Variants in HDGFL3 observed in about 807,000 individuals in gnomAD.
HDGFL3 encodes HDGF like 3, also known as hepatoma-derived growth factor-related protein 3.
HDGFL3 carries 6 observed loss-of-function variants against 27.6 expected under a neutral mutation model. The observed-to-expected ratio is 0.22, with a 90% CI of 0.12 to 0.43. HDGFL3 has a LOEUF of 0.43. HDGFL3 is among the 20% of genes least tolerant of loss of function. The pLI is 1.00. For synonymous variants in HDGFL3, 88 were observed against 88.9 expected, an observed-to-expected ratio of 0.99 and a Z score of 0.05; for missense variants, 207 against 250.1, an observed-to-expected ratio of 0.83 and a Z score of 1.16.
chr15:83,128,546 G>T lies in HDGFL3; in HGVS notation c.*10724C>A, dbSNP rs1303656520. 1 of 152,016 alleles carries T rather than the reference G, an allele frequency of 6.6e-6. No individual in the cohort carries two copies. The highest frequency in any genetic ancestry group is 1.5e-5 in the Non-Finnish European group (1 of 68,004). The allele number at this position is 152,016 out of a possible 1,614,324, so 9.4% of individuals were successfully genotyped here. A position where few individuals can be genotyped will look rare whatever the true frequency, so the allele number is the denominator to read the frequency against. ...TTCTGTATTTTAGGTCTTTATCTTT[G>T]TATCTTTCAATACCAACTATAAGCT... On this transcript the variant is annotated 3_prime_UTR_variant, in exon 6 of 6. Coordinates refer to ENST00000299633, the MANE Select transcript of HDGFL3 (RefSeq NM_016073.4).
At chr15:83,145,183 T>A (rs2036865995) in intron 5 of HDGFL3, among the ~76,000 whole-genome samples, 1 of 152,116 alleles carries the variant, frequency 6.6e-6, no homozygotes, top group African/African-American at 2.4e-5. Context: ...TATCCTAGCT[T>A]ACTCTGGATA....
chr15:83,168,834 A>G (rs947626459), intron 1 of HDGFL3, among the ~76,000 whole-genome samples: 27 of 152,192 alleles, frequency 1.8e-4, no homozygotes, highest in African/African-American at 6.5e-4. Context: ...GGAAAAAACT[A>G]CAGGCCAATA....
chr15:83,140,632 C>CTA (rs1238783690), intron 5 of HDGFL3, among the ~76,000 whole-genome samples: 7 of 151,994 alleles, frequency 4.6e-5, no homozygotes, highest in African/African-American at 1.7e-4. Context: ...CAGGTGTGTG[C>CTA]TACCATGCCC....
intron 1 of HDGFL3, among the ~76,000 whole-genome samples, chr15:83,187,874 C>T (rs997574203): frequency 8.1e-5 from 10 of 124,156 alleles, no homozygotes; most frequent in African/African-American, 2.9e-4. Flanking sequence ...GCAACAAGAG[C>T]GAAACTCTGT....
intron 5 of HDGFL3, 129 bp downstream of exon 5, chr15:83,151,086 G>T: frequency 1.3e-6 from 1 of 777,854 alleles, no homozygotes; most frequent in Non-Finnish European, 2.1e-6. Context: ...CTGAGTGGAT[G>T]CATATAATAG....
At chr15:83,196,143 AAAAT>A (rs1344533584) in intron 1 of HDGFL3, among the ~76,000 whole-genome samples, 2 of 151,874 alleles carry the variant, frequency 1.3e-5, no homozygotes, top group African/African-American at 4.8e-5. Context: ...TAGTTGACAA[AAAAT>A]AAACATTAAG....
intron 3 of HDGFL3, chr15:83,122,681 A>G: frequency 6.5e-7 from 1 of 1,536,250 alleles, no homozygotes; most frequent in Non-Finnish European, 8.8e-7. Context: ...ATGACCTGAG[A>G]TGGGGAGGTA....
intron 1 of HDGFL3, among the ~76,000 whole-genome samples, chr15:83,200,722 G>A (rs1019491473): frequency 1.3e-5 from 2 of 152,156 alleles, no homozygotes; most frequent in African/African-American, 2.4e-5. Flanking sequence ...AACAAACCAA[G>A]ATAGTAGTGG....
chr15:83,196,464 C>CAG (rs2037572613), intron 1 of HDGFL3, among the ~76,000 whole-genome samples: 1 of 152,008 alleles, frequency 6.6e-6, no homozygotes, highest in Non-Finnish European at 1.5e-5. Context: ...CTAAAATTCT[C>CAG]TCCTAAATAT....
intron 1 of HDGFL3, among the ~76,000 whole-genome samples, chr15:83,170,094 T>C (rs2037227809): frequency 6.6e-6 from 1 of 152,120 alleles, no homozygotes; most frequent in African/African-American, 2.4e-5. Flanking sequence ...TGGGAAAACA[T>C]TCCATGTTCC....
intron 2 of HDGFL3, 91 bp downstream of exon 2, chr15:83,163,908 T>A: frequency 1.2e-6 from 1 of 836,270 alleles, no homozygotes; most frequent in Non-Finnish European, 2.0e-6. Context: ...TATAATGATT[T>A]TAATAAGACG....
chr15:83,138,706 ACTAG>A lies in HDGFL3; in HGVS notation c.*560_*563del. 1 of 152,596 alleles carries A rather than the reference ACTAG, an allele frequency of 6.6e-6. No individual in the cohort carries two copies. Among genetic ancestry groups the A allele is most frequent in the East Asian group, 1.9e-4 (1 of 5,190 alleles). 9.5% of individuals were successfully genotyped at this position (152,596 alleles called of 1,614,324 possible). ...GAATTTTGAGAAGTATAAGCTGTCA[ACTAG>A]CTATTTCTAATACGGAATAGATATT... On this transcript the variant is annotated 3_prime_UTR_variant, in exon 6 of 6. Transcript: ENST00000299633.
In HDGFL3 at chr15:83,157,424, A is replaced by G; in HGVS notation, c.450T>C (p.Tyr150=). The change falls in exon 4 of 6, where the codon TAT becomes TAC. Residue 150 remains tyrosine (Y), a synonymous_variant. Coordinates refer to ENST00000299633, the MANE Select transcript of HDGFL3 (RefSeq NM_016073.4). ...GAAGTTTCTTAGTAACCTTTGAAGT[A>G]TATGACTTTTTCCGTTTTGAGCCTG... is the stretch of plus-strand genomic sequence containing the variant. ...EKAGSKRKKS[Y]TSKKSSKQSR... is the part of the protein sequence containing the mutation. 1.2e-6 allele frequency: 2 copies of G among 1,612,686 alleles called. No individual in the cohort carries two copies. The highest frequency in any genetic ancestry group is 1.7e-6 in the Non-Finnish European group (2 of 1,178,936).
At chr15:83,119,278 T>C (rs1340374735) in intron 3 of HDGFL3, among the ~76,000 whole-genome samples, 1 of 152,246 alleles carries the variant, frequency 6.6e-6, no homozygotes, top group Non-Finnish European at 1.5e-5. Context: ...GAGTTTGCCA[T>C]ACAGCCAGGA....
chr15:83,185,320 T>C (rs1406528971), intron 1 of HDGFL3, among the ~76,000 whole-genome samples: 1 of 152,190 alleles, frequency 6.6e-6, no homozygotes, highest in Non-Finnish European at 1.5e-5. Context: ...AGAAGACTGC[T>C]TGGAGAGCTT....
chr15:83,119,316 T>C (rs1331741015), intron 3 of HDGFL3, among the ~76,000 whole-genome samples: 1 of 152,250 alleles, frequency 6.6e-6, no homozygotes, highest in African/African-American at 2.4e-5. Flanking sequence ...TGCCTTCGCA[T>C]CACAGTACAA....
intron 1 of HDGFL3, among the ~76,000 whole-genome samples, chr15:83,166,964 CA>C (rs1280274645): frequency 3.9e-5 from 6 of 152,166 alleles, no homozygotes; most frequent in Non-Finnish European, 7.3e-5. Context: ...GGCAGGGACA[CA>C]AATCAAACCA....
chr15:83,176,413 G>A (rs555804322), intron 1 of HDGFL3, among the ~76,000 whole-genome samples: 2 of 152,128 alleles, frequency 1.3e-5, no homozygotes, highest in African/African-American at 2.4e-5. Context: ...AAATGTGGTG[G>A]CATTTTTGTT....
At chr15:83,167,732 C>T (rs1374337946) in intron 1 of HDGFL3, among the ~76,000 whole-genome samples, 1 of 152,116 alleles carries the variant, frequency 6.6e-6, no homozygotes, top group African/African-American at 2.4e-5. Flanking sequence ...TAGTGGGAAA[C>T]TTCAACATCC....
Sources: gnomAD v4.1 joint callset for allele counts (sites outside exome capture counted in the v4.1 genomes callset) on GRCh38, gnomAD v4.1.1 for gene constraint, MANE v1.5 for transcripts, NCBI Gene and HGNC (gene_info 2026-07-23, HGNC 2026-07-21) for gene names.